Variants in CMSS1 observed in about 807,000 individuals in gnomAD.
CMSS1 encodes cms1 ribosomal small subunit homolog, also known as protein CMSS1.
Under a neutral mutation model 43.5 loss-of-function variants are expected in CMSS1, and 33 were observed. The observed-to-expected ratio is 0.76, with a 90% CI of 0.57 to 1.01. The LOEUF (loss-of-function observed/expected upper bound fraction) is 1.01, where lower values mean the gene tolerates loss of function less well. Ranked by LOEUF, CMSS1 falls within the 50% of genes least tolerant of loss-of-function variation. The pLI, the probability that CMSS1 is intolerant of heterozygous loss-of-function variation, is 0.00. For synonymous variants in CMSS1, 115 were observed against 117.2 expected, an observed-to-expected ratio of 0.98 and a Z score of 0.12; for missense variants, 313 against 326.4, an observed-to-expected ratio of 0.96 and a Z score of 0.32.
chr3:99,848,270 G>C, intron 1 of CMSS1: 2 of 1,612,122 alleles, frequency 1.2e-6, no homozygotes, highest in East Asian at 2.2e-5. Flanking sequence ...GAGGGTGAGC[G>C]TGGTCAGTTA....
chr3:99,983,389 A>T (rs10936016), intron 1 of CMSS1, among the ~76,000 whole-genome samples: 5,971 of 40,562 alleles, frequency 0.15, 448 homozygotes, highest in African/African-American at 0.23. Context: ...TAAATAAATA[A>T]ATATATATAT....
chr3:100,176,277 C>T (rs374059178), intron 8 of CMSS1, 50 bp from the exon 9 acceptor site: 1 of 1,228,724 alleles, frequency 8.1e-7, no homozygotes, highest in Non-Finnish European at 1.2e-6. Flanking sequence ...TTTTAATAAG[C>T]TTATGTCATG....
chr3:100,077,552 G>A (rs1365311525), intron 1 of CMSS1, among the ~76,000 whole-genome samples: 1 of 152,156 alleles, frequency 6.6e-6, no homozygotes, highest in African/African-American at 2.4e-5. Context: ...TCCAGGTAGA[G>A]GAATTGCAAG....
At chr3:99,930,028 G>A (rs185895400) in intron 1 of CMSS1, 1 of 1,598,562 alleles carries the variant, frequency 6.3e-7, no homozygotes, top group East Asian at 2.3e-5. Context: ...CTCATCTCGA[G>A]CCTGTAGGAA....
chr3:100,165,205 C>T (rs1002674135), intron 4 of CMSS1, among the ~76,000 whole-genome samples: 1 of 152,086 alleles, frequency 6.6e-6, no homozygotes, highest in African/African-American at 2.4e-5. Context: ...TAAAGACCAC[C>T]AAAGGCTCCA....
chr3:100,152,507 A>C (rs1211630588), intron 2 of CMSS1, among the ~76,000 whole-genome samples: 1 of 152,126 alleles, frequency 6.6e-6, no homozygotes, highest in African/African-American at 2.4e-5. Context: ...CAGCTTGTTT[A>C]AAAAAATCTG....
Position 100,176,356 on chromosome 3 carries a change from C to A in CMSS1, c.697C>A (p.Leu233Met). The change falls in exon 9 of 10, where the codon CTG (leucine) becomes ATG (methionine). Residue 233 changes from leucine to methionine, a missense_variant. Coordinates refer to ENST00000421999, the MANE Select transcript of CMSS1 (RefSeq NM_032359.4). ...CCTTAATTTGAGCCCCTTAAAATTT[C>A]TGGTTTTTGACTGGAACTGGAGAGA... ...GGLNLSPLKF[L>M]VFDWNWRDQK... is the part of the protein sequence containing the mutation. The A allele has an allele frequency of 3.1e-6, 5 of 1,613,618 alleles. No homozygotes were observed. The Admixed American group carries it at 6.7e-5, about 22-fold the overall frequency.
chr3:99,973,232 ATT>A (rs550716881), intron 1 of CMSS1, among the ~76,000 whole-genome samples: 1 of 152,062 alleles, frequency 6.6e-6, no homozygotes, highest in Non-Finnish European at 1.5e-5. Context: ...ATGAATAAAA[ATT>A]TTTTTTCTCT....
intron 4 of CMSS1, 36 bp downstream of exon 4, chr3:100,162,468 G>T: frequency 4.4e-6 from 7 of 1,595,580 alleles, no homozygotes; most frequent in Non-Finnish European, 6.0e-6. Flanking sequence ...AAGACAAGGA[G>T]CAAAACATAA....
rs1367518073 is a variant in CMSS1, at chr3:99,828,403, A to AT, written c.64+10361dup. Among the ~76,000 whole-genome samples, 4 of 82,660 alleles carry AT rather than the reference A, an allele frequency of 4.8e-5. No homozygotes were observed. In the East Asian group the frequency reaches 1.4e-3, roughly 29 times the overall value. 54.2% of individuals were successfully genotyped at this position (82,660 alleles called of 152,430 possible). On this transcript the variant is annotated intron_variant, in intron 1 of 9. Coordinates refer to ENST00000421999, the MANE Select transcript of CMSS1 (RefSeq NM_032359.4). The stretch of plus-strand genomic sequence containing the variant: ...AGGCACAATACTAAGCACTCTGTAC[A>AT]TACGTGTATTTTTTTTTTTTTGATG...
intron 1 of CMSS1, chr3:99,930,845 C>T (rs1226959309): frequency 6.2e-7 from 1 of 1,612,844 alleles, no homozygotes; most frequent in Non-Finnish European, 8.5e-7. Context: ...GTGGCCATTA[C>T]CACTGTGTGG....
intron 1 of CMSS1, among the ~76,000 whole-genome samples, chr3:99,855,558 C>A (rs1943920056): frequency 6.6e-6 from 1 of 152,174 alleles, no homozygotes; most frequent in African/African-American, 2.4e-5. Flanking sequence ...GGAGCAAAGC[C>A]TGTGCGATTT....
chr3:99,895,431 G>A (rs1576554693), intron 1 of CMSS1, among the ~76,000 whole-genome samples: 1 of 137,074 alleles, frequency 7.3e-6, no homozygotes, highest in African/African-American at 2.7e-5. Context: ...GGTAATATTT[G>A]TGGCTTATTC....
chr3:100,069,529 G>A (rs2065725054), intron 1 of CMSS1, among the ~76,000 whole-genome samples: 1 of 152,014 alleles, frequency 6.6e-6, no homozygotes, highest in South Asian at 2.1e-4. Context: ...TTGGATTTCT[G>A]ATACGGCAGC....
chr3:99,967,549 G>A (rs1237123912), intron 1 of CMSS1, among the ~76,000 whole-genome samples: 1 of 152,052 alleles, frequency 6.6e-6, no homozygotes, highest in Non-Finnish European at 1.5e-5. Flanking sequence ...GTGAATTGAG[G>A]AATATGGTGA....
intron 1 of CMSS1, among the ~76,000 whole-genome samples, chr3:99,945,095 A>G (rs969388400): frequency 1.3e-5 from 2 of 152,148 alleles, no homozygotes; most frequent in Non-Finnish European, 2.9e-5. Context: ...TACACAGAAC[A>G]AGCAGTCACC....
intron 1 of CMSS1, chr3:100,051,442 G>C (rs1191118347): frequency 6.6e-6 from 1 of 151,240 alleles, no homozygotes; most frequent in Non-Finnish European, 1.5e-5. Context: ...TGCCATGTTG[G>C]TGTGCTGCAC....
chr3:100,167,953 C>A, intron 6 of CMSS1, 113 bp downstream of exon 6: 1 of 613,848 alleles, frequency 1.6e-6, no homozygotes, highest in Non-Finnish European at 2.8e-6. Flanking sequence ...AGAGTCCCTG[C>A]CCTCATGGAA....
rs1322102542 is a variant in CMSS1, at chr3:100,022,141, AGAAAT to A, written c.65-124829_65-124825del. Among the ~76,000 whole-genome samples the A allele has an allele frequency of 3.3e-5, 5 of 152,334 alleles. No homozygotes were observed. In the East Asian group the frequency reaches 9.6e-4, roughly 29 times the overall value. ...AAAAATAGAGGGAAGCCCTTGGAAA[AGAAAT>A]GATATTAGAATAATGTTGAGTCTCT... is the stretch of plus-strand genomic sequence containing the variant. On this transcript the variant is annotated intron_variant, in intron 1 of 9. Coordinates refer to ENST00000421999, the MANE Select transcript of CMSS1 (RefSeq NM_032359.4).
Sources: allele counts gnomAD v4.1 joint callset (sites outside exome capture counted in the v4.1 genomes callset), GRCh38; gene constraint gnomAD v4.1.1; transcripts MANE v1.5; gene names NCBI Gene and HGNC (gene_info 2026-07-23, HGNC 2026-07-21).